ANKS1B: variants seen among roughly 807,000 people sequenced by gnomAD.
ANKS1B encodes ankyrin repeat and sterile alpha motif domain-containing protein 1B.
A neutral mutation model predicts 148.3 loss-of-function variants in ANKS1B; 36 were observed. That is an observed-to-expected ratio of 0.24 (90% confidence interval 0.19 to 0.32). ANKS1B has a LOEUF of 0.32. Among genes scored for constraint, ANKS1B ranks in the 10% least tolerant of loss-of-function variants. The pLI, the probability that ANKS1B is intolerant of heterozygous loss-of-function variation, is 1.00. For missense variants in ANKS1B, 1,157 were observed against 1,542.6 expected (o/e 0.75, Z 4.19); for synonymous variants, 542 against 560.8 (o/e 0.97, Z 0.47).
chr12:99,780,846 ACAAGGT>A (rs2153632628), intron 5 of ANKS1B, among the ~76,000 whole-genome samples: 1 of 152,338 alleles, frequency 6.6e-6, no homozygotes, highest in South Asian at 2.1e-4. Flanking sequence ...TTATCCAAAT[ACAAGGT>A]CAAATACTCT....
chr12:99,567,010 CT>C (rs977641003), intron 9 of ANKS1B, among the ~76,000 whole-genome samples: 2 of 152,156 alleles, frequency 1.3e-5, no homozygotes, highest in Non-Finnish European at 2.9e-5. Context: ...TCAGTTTCTC[CT>C]GCTTTTCATC....
chr12:99,235,928 C>T (rs1348442442), intron 14 of ANKS1B, among the ~76,000 whole-genome samples: 1 of 152,150 alleles, frequency 6.6e-6, no homozygotes, highest in Non-Finnish European at 1.5e-5. Context: ...TCTTAGCCAC[C>T]CAGGCCAATC....
intron 15 of ANKS1B, among the ~76,000 whole-genome samples, chr12:99,107,977 T>C (rs1185875961): frequency 2.6e-5 from 4 of 152,224 alleles, no homozygotes; most frequent in Non-Finnish European, 4.4e-5. Flanking sequence ...TATATCTTTG[T>C]GTATTTCTCA....
intron 14 of ANKS1B, among the ~76,000 whole-genome samples, chr12:99,186,077 G>A (rs1157610953): frequency 1.3e-5 from 2 of 152,176 alleles, no homozygotes; most frequent in African/African-American, 4.8e-5. Context: ...CGCTATGACT[G>A]AGGCTTGAAT....
At chr12:99,750,110 A>G (rs925243564) in intron 8 of ANKS1B, among the ~76,000 whole-genome samples, 4 of 152,048 alleles carry the variant, frequency 2.6e-5, no homozygotes, top group African/African-American at 9.7e-5. Flanking sequence ...TCTCTCAAGC[A>G]TATTAGAATT....
intron 17 of ANKS1B, among the ~76,000 whole-genome samples, chr12:99,052,950 A>G (rs1034554217): frequency 1.8e-4 from 27 of 152,068 alleles, no homozygotes; most frequent in African/African-American, 6.5e-4. Context: ...AATGCAAAAT[A>G]CCCTGGGAGT....
At chr12:99,500,154 A>T (rs573141694) in intron 10 of ANKS1B, among the ~76,000 whole-genome samples, 1 of 152,328 alleles carries the variant, frequency 6.6e-6, no homozygotes. Flanking sequence ...CTCTCTGTGC[A>T]TGTACAAAGA....
intron 1 of ANKS1B, among the ~76,000 whole-genome samples, chr12:99,829,441 G>A (rs1412805167): frequency 1.3e-5 from 2 of 152,122 alleles, no homozygotes; most frequent in African/African-American, 2.4e-5. Context: ...ATGAGGTCAG[G>A]AGATCGAGAC....
intron 12 of ANKS1B, among the ~76,000 whole-genome samples, chr12:99,382,301 G>A (rs73151156): frequency 0.13 from 19,267 of 152,164 alleles, 1,316 homozygotes; most frequent in African/African-American, 0.18. Flanking sequence ...AATTAAAACT[G>A]AAGTCAGGTA....
At chr12:99,477,305 G>A (rs1022919557) in intron 10 of ANKS1B, among the ~76,000 whole-genome samples, 1 of 152,176 alleles carries the variant, frequency 6.6e-6, no homozygotes, top group African/African-American at 2.4e-5. Context: ...GGTGGCAATG[G>A]AAACTGATAC....
At chr12:99,407,449 C>T (rs575147493) in intron 11 of ANKS1B, among the ~76,000 whole-genome samples, 2 of 145,572 alleles carry the variant, frequency 1.4e-5, no homozygotes, top group South Asian at 4.2e-4. Context: ...TCCTCTAAGA[C>T]CTGGAACTTG....
intron 17 of ANKS1B, among the ~76,000 whole-genome samples, chr12:98,993,898 G>A (rs2153312452): frequency 6.6e-6 from 1 of 152,302 alleles, no homozygotes; most frequent in South Asian, 2.1e-4. Flanking sequence ...TGGAGGTCTA[G>A]TGTATTCGTT....
At chr12:99,227,715 G>A (rs1487946952) in intron 14 of ANKS1B, among the ~76,000 whole-genome samples, 1 of 152,226 alleles carries the variant, frequency 6.6e-6, no homozygotes, top group South Asian at 2.1e-4. Flanking sequence ...AGCAAGCTAA[G>A]TATAATAAGA....
chr12:99,738,600 T>C (rs977337576), intron 8 of ANKS1B, among the ~76,000 whole-genome samples: 4 of 152,194 alleles, frequency 2.6e-5, no homozygotes, highest in African/African-American at 9.7e-5. Context: ...TTCTCTTCTC[T>C]ACTTCCTAAT....
chr12:98,990,317 T>C (rs1421471674), intron 17 of ANKS1B, among the ~76,000 whole-genome samples: 1 of 152,102 alleles, frequency 6.6e-6, no homozygotes, highest in Non-Finnish European at 1.5e-5. Context: ...GCTTGCTTTT[T>C]GGGTACGGAA....
rs577033860 is a variant in ANKS1B, at chr12:99,179,676, A to T, written c.2420-25281T>A. Among the ~76,000 whole-genome samples the T allele has an allele frequency of 5.3e-5, 8 of 152,202 alleles. No homozygotes were observed. In the South Asian group the frequency reaches 1.4e-3, roughly 28 times the overall value. On this transcript the variant is annotated intron_variant, in intron 14 of 26. Transcript: ENST00000683438. ...AGAGCAGACTCCTAATTATGTGACC[A>T]TGGGAAAAACTCTCTATGAATCTCC...
Position 99,832,724 on chromosome 12 carries a change from T to TAA in ANKS1B, c.135-7337_135-7336dup, listed in dbSNP as rs554760513. Among the ~76,000 whole-genome samples the TAA allele has an allele frequency of 8.0e-3, 1,080 of 135,816 alleles. 9 individuals are homozygous for TAA. Among genetic ancestry groups the TAA allele is most frequent in the African/African-American group, 0.027 (999 of 36,338 alleles). 89.1% of individuals were successfully genotyped at this position (135,816 alleles called of 152,430 possible). Reference sequence around the variant, plus strand: ...GGATGACAGAGAGAGACTCCATCTTTAAAAAAAAAAGAGAGAGAGAGAGAG... The same window carrying TAA: ...GGATGACAGAGAGAGACTCCATCTTTAAAAAAAAAAAAGAGAGAGAGAGAGAG... On this transcript the variant is annotated intron_variant, in intron 1 of 26. Transcript: ENST00000683438.
At chr12:99,356,956 CAT>C (rs2092049192) in intron 12 of ANKS1B, among the ~76,000 whole-genome samples, 1 of 148,286 alleles carries the variant, frequency 6.7e-6, no homozygotes, top group African/African-American at 2.5e-5. Context: ...TTTGGCTACT[CAT>C]GTATTCATTT....
intron 9 of ANKS1B, among the ~76,000 whole-genome samples, chr12:99,630,765 C>T (rs990597134): frequency 2.6e-5 from 4 of 152,142 alleles, no homozygotes; most frequent in Admixed American, 1.3e-4. Flanking sequence ...TGTGATGCCC[C>T]GCGTTGCCTT....
Sources: gnomAD v4.1 joint callset for allele counts (sites outside exome capture counted in the v4.1 genomes callset) on GRCh38, gnomAD v4.1.1 for gene constraint, MANE v1.5 for transcripts, NCBI Gene and HGNC (gene_info 2026-07-23, HGNC 2026-07-21) for gene names.